CMIP: variants seen among roughly 807,000 people sequenced by gnomAD.
CMIP encodes c-Maf inducing protein.
A neutral mutation model predicts 97.3 loss-of-function variants in CMIP; 13 were observed. That is an observed-to-expected ratio of 0.13 (90% CI 0.09 to 0.21). The LOEUF is 0.21. CMIP is among the 10% of genes least tolerant of loss of function. The pLI, the probability that CMIP is intolerant of heterozygous loss-of-function variation, is 1.00. For missense variants in CMIP, 847 were observed against 1,024.9 expected (o/e 0.83, Z 2.37); for synonymous variants, 538 against 436.3 (o/e 1.23, Z -2.91).
At chr16:81,500,268 T>TTCCA (rs1352025509) in intron 1 of CMIP, among the ~76,000 whole-genome samples, 3 of 118,604 alleles carry the variant, frequency 2.5e-5, no homozygotes, top group Non-Finnish European at 5.3e-5. Flanking sequence ...CCTTCCTTCC[T>TTCCA]TCCGTCCTTC....
chr16:81,652,144 C>T lies in CMIP; in HGVS notation c.478-59C>T. ...CCCATCTGATTCTTTGATTGTCTTC[C>T]ATCTTCTGCCTTCCTTACGTGAGTA... is the stretch of plus-strand genomic sequence containing the variant. On this transcript the variant is annotated intron_variant, in intron 3 of 20. Coordinates refer to ENST00000537098, the MANE Select transcript of CMIP (RefSeq NM_198390.3). This position sits in a 1 kb window ranked among gnomAD's most constrained non-coding sequence, Gnocchi z 5.2. 1 of 1,383,016 alleles carries T rather than the reference C, an allele frequency of 7.2e-7. No individual in the cohort carries two copies. The highest frequency in any genetic ancestry group is 1.0e-6 in the Non-Finnish European group (1 of 979,482). 85.7% of individuals were successfully genotyped at this position (1,383,016 alleles called of 1,614,324 possible).
chr16:81,620,678 A>G, intron 2 of CMIP, 198 bp from the exon 3 acceptor site: 1 of 580,046 alleles, frequency 1.7e-6, no homozygotes. Context: ...TTTTTAGGAA[A>G]TCCTCCCTGA....
chr16:81,538,992 A>G (rs1342338533), intron 1 of CMIP, among the ~76,000 whole-genome samples: 2 of 152,240 alleles, frequency 1.3e-5, no homozygotes, highest in Non-Finnish European at 2.9e-5. Context: ...TGTGGGTCAG[A>G]CAACAGTATT....
intron 1 of CMIP, among the ~76,000 whole-genome samples, chr16:81,471,398 G>T (rs139711642): frequency 6.9e-6 from 1 of 144,234 alleles, no homozygotes; most frequent in African/African-American, 2.5e-5. Context: ...GCATATACAC[G>T]TACAAATGCA....
intron 1 of CMIP, among the ~76,000 whole-genome samples, chr16:81,540,582 C>T (rs572294347): frequency 1.6e-4 from 24 of 151,976 alleles, no homozygotes; most frequent in East Asian, 5.8e-4. Context: ...GGATTACAGG[C>T]GTGAGCCACT....
intron 9 of CMIP, among the ~76,000 whole-genome samples, chr16:81,676,020 G>T (rs1041615002): frequency 6.6e-6 from 1 of 152,208 alleles, no homozygotes; most frequent in African/African-American, 2.4e-5. Flanking sequence ...GAGAAGGGAC[G>T]TGATGGGATT....
intron 3 of CMIP, among the ~76,000 whole-genome samples, chr16:81,650,171 C>G (rs1294913443): frequency 6.6e-6 from 1 of 152,214 alleles, no homozygotes; most frequent in Non-Finnish European, 1.5e-5. Flanking sequence ...CCCCCGACAA[C>G]TTGTCACGCG....
intron 20 of CMIP, among the ~76,000 whole-genome samples, chr16:81,709,367 C>G (rs1397613169): frequency 6.6e-6 from 1 of 152,174 alleles, no homozygotes; most frequent in Non-Finnish European, 1.5e-5. Context: ...GAGCCAGGGA[C>G]TAGAGTCAGA....
chr16:81,578,133 C>T (rs1860613129), intron 1 of CMIP, among the ~76,000 whole-genome samples: 1 of 151,972 alleles, frequency 6.6e-6, no homozygotes, highest in Non-Finnish European at 1.5e-5. Flanking sequence ...TCACCATCAC[C>T]ATCATCACCA....
At chr16:81,675,063 G>C (rs749968940) in intron 9 of CMIP, among the ~76,000 whole-genome samples, 1 of 152,208 alleles carries the variant, frequency 6.6e-6, no homozygotes, top group Non-Finnish European at 1.5e-5. Context: ...TGGAAGGAGC[G>C]TTGGGGAGGT....
chr16:81,541,678 G>A (rs1270470289), intron 1 of CMIP, among the ~76,000 whole-genome samples: 2 of 152,204 alleles, frequency 1.3e-5, no homozygotes, highest in Non-Finnish European at 2.9e-5. Flanking sequence ...CAGTGGAGTG[G>A]AGTGTCCCTA....
chr16:81,652,431 C>A lies in CMIP; in HGVS notation c.639+67C>A. On this transcript the variant is annotated intron_variant, in intron 4 of 20. Transcript: ENST00000537098. The surrounding 1 kb of genome is among the most constrained non-coding windows in gnomAD (Gnocchi z 5.2). ...CCCTCCACCGATCACCGGCTCCATG[C>A]CAAGCAGCAGGCGCAGGCAGAGCTC... 1 of 1,408,970 alleles carries A rather than the reference C, an allele frequency of 7.1e-7. No homozygotes were observed. Among genetic ancestry groups the A allele is most frequent in the Non-Finnish European group, 9.8e-7 (1 of 1,016,406 alleles). The allele number at this position is 1,408,970 out of a possible 1,614,324, so 87.3% of individuals were successfully genotyped here.
At chr16:81,512,418 G>A (rs1337406571) in intron 1 of CMIP, among the ~76,000 whole-genome samples, 2 of 152,164 alleles carry the variant, frequency 1.3e-5, no homozygotes, top group Non-Finnish European at 1.5e-5. Context: ...TCACTGCTCA[G>A]GTGCATTATT....
intron 1 of CMIP, among the ~76,000 whole-genome samples, chr16:81,575,306 A>G (rs2091169568): frequency 6.6e-6 from 1 of 152,210 alleles, no homozygotes; most frequent in African/African-American, 2.4e-5. Context: ...TACCAGGCTC[A>G]GAACATTCCT....
chr16:81,478,205 C>A (rs1443557732), intron 1 of CMIP, among the ~76,000 whole-genome samples: 1 of 152,062 alleles, frequency 6.6e-6, no homozygotes, highest in African/African-American at 2.4e-5. Context: ...CGTGGGCATT[C>A]CCTCAAGCTT....
intron 17 of CMIP, among the ~76,000 whole-genome samples, chr16:81,703,425 C>A (rs990910339): frequency 6.6e-6 from 1 of 152,080 alleles, no homozygotes; most frequent in Non-Finnish European, 1.5e-5. Context: ...TTGGCATGAG[C>A]TGCTGCCCAG....
chr16:81,455,797 C>T (rs1460378568), intron 1 of CMIP, among the ~76,000 whole-genome samples: 1 of 152,194 alleles, frequency 6.6e-6, no homozygotes, highest in East Asian at 1.9e-4. Context: ...CAGGCCTGAG[C>T]TGTGGCTCAC....
chr16:81,656,090 C>G (rs1298263966), intron 4 of CMIP, among the ~76,000 whole-genome samples: 1 of 152,230 alleles, frequency 6.6e-6, no homozygotes, highest in Non-Finnish European at 1.5e-5. Flanking sequence ...AAAAAACATC[C>G]TTTCACATGC....
intron 1 of CMIP, among the ~76,000 whole-genome samples, chr16:81,469,666 G>T (rs987425696): frequency 3.9e-5 from 6 of 152,212 alleles, no homozygotes; most frequent in African/African-American, 1.4e-4. Context: ...CTGAACTGTG[G>T]ATTCACAGTT....
Sources: gnomAD v4.1 joint callset for allele counts (sites outside exome capture counted in the v4.1 genomes callset) on GRCh38, gnomAD v4.1.1 for gene constraint, Gnocchi (gnomAD v3.1) non-coding constraint, MANE v1.5 for transcripts, NCBI Gene and HGNC (gene_info 2026-07-23, HGNC 2026-07-21) for gene names.